The following GAN variants were observed in gnomAD, a reference collection of about 807,000 sequenced individuals.
The protein encoded by GAN is gigaxonin, also known as epididymis secretory sperm binding protein.
Under a neutral mutation model 71.3 loss-of-function variants are expected in GAN, and 48 were observed. That is an observed-to-expected ratio of 0.67 (90% CI 0.53 to 0.86). GAN has a LOEUF of 0.86. Among genes scored for constraint, GAN ranks in the 40% least tolerant of loss-of-function variants. The pLI is 0.00. For synonymous variants in GAN, 386 were observed against 276.8 expected, an observed-to-expected ratio of 1.39 and a Z score of -3.92; for missense variants, 928 against 770.1, an observed-to-expected ratio of 1.21 and a Z score of -2.43.
chr16:81,369,168 T>G (rs1423971230), intron 9 of GAN, among the ~76,000 whole-genome samples: 1 of 152,200 alleles, frequency 6.6e-6, no homozygotes, highest in Non-Finnish European at 1.5e-5. Flanking sequence ...CCTCTTTTGA[T>G]TCCTGAATAT....
intron 5 of GAN, among the ~76,000 whole-genome samples, chr16:81,361,166 A>G (rs1040310254): frequency 3.9e-5 from 6 of 152,226 alleles, no homozygotes; most frequent in Non-Finnish European, 5.9e-5. Flanking sequence ...CAGAAGTTGC[A>G]GTGATCTGTG....
intron 1 of GAN, among the ~76,000 whole-genome samples, chr16:81,348,792 G>C (rs1910205184): frequency 1.3e-5 from 2 of 152,254 alleles, no homozygotes; most frequent in Admixed American, 6.5e-5. Context: ...TCTTAGGGCA[G>C]ATTGATGTCT....
At chr16:81,354,806 T>C (rs369286613) in intron 3 of GAN, 51 bp downstream of exon 3, 1 of 1,061,178 alleles carries the variant, frequency 9.4e-7, no homozygotes, top group East Asian at 2.4e-5. Flanking sequence ...TTCTTTTTAA[T>C]TCAAATTTTA....
intron 9 of GAN, among the ~76,000 whole-genome samples, chr16:81,367,826 A>G (rs1429213502): frequency 1.3e-5 from 2 of 152,204 alleles, no homozygotes; most frequent in Admixed American, 6.5e-5. Context: ...GTGGGATCTG[A>G]ACTCAGGCGT....
chr16:81,363,535 A>G (rs1046768809), intron 6 of GAN, among the ~76,000 whole-genome samples: 1 of 152,188 alleles, frequency 6.6e-6, no homozygotes, highest in Non-Finnish European at 1.5e-5. Flanking sequence ...TCGGGGATAC[A>G]TGTGCAGGTT....
At chr16:81,366,772 C>A (rs1034143033) in intron 9 of GAN, among the ~76,000 whole-genome samples, 1 of 152,116 alleles carries the variant, frequency 6.6e-6, no homozygotes, top group African/African-American at 2.4e-5. Flanking sequence ...TACATTTTTC[C>A]TTCCTTGATA....
intron 5 of GAN, among the ~76,000 whole-genome samples, chr16:81,361,148 C>T (rs1910660103): frequency 1.3e-5 from 2 of 152,244 alleles, no homozygotes; most frequent in South Asian, 4.2e-4. Context: ...TCGCTTGAAC[C>T]CAGGAGGCAG....
In GAN at chr16:81,382,097, C is replaced by A. The variant is rs1409843940; in HGVS notation, c.*4501C>A. On this transcript the variant is annotated 3_prime_UTR_variant, in exon 11 of 11. Transcript: ENST00000648994. ...GGTGTCAAAATCTTTCCAGGACATACCCCTTTGATCCTCACACCTCTGGAA... is the reference window on the plus strand; with the variant it reads ...GGTGTCAAAATCTTTCCAGGACATAACCCTTTGATCCTCACACCTCTGGAA... 6.6e-6 allele frequency: 1 copy of A among 152,096 alleles called. No individual in the cohort carries two copies. The highest frequency in any genetic ancestry group is 1.5e-5 in the Non-Finnish European group (1 of 68,038). The allele number at this position is 152,096 out of a possible 1,614,324, so 9.4% of individuals were successfully genotyped here. A position where few individuals can be genotyped will look rare whatever the true frequency, so the allele number is the denominator to read the frequency against.
Position 81,377,733 on chromosome 16 carries a change from C to A in GAN, c.*137C>A. 2.4e-6 allele frequency: 2 copies of A among 829,022 alleles called. No individual in the cohort carries two copies. Among genetic ancestry groups the A allele is most frequent in the South Asian group, 1.4e-5 (1 of 71,522 alleles). The allele number at this position is 829,022 out of a possible 1,614,324, so 51.4% of individuals were successfully genotyped here. A position where few individuals can be genotyped will look rare whatever the true frequency, so the allele number is the denominator to read the frequency against. On this transcript the variant is annotated 3_prime_UTR_variant, in exon 11 of 11. Transcript: ENST00000648994. ...GTAACTCTTTGGTGGTTTTATGATG[C>A]TTACAAACTTGAGCTTTAGCTCTTG...
chr16:81,335,615 C>T (rs756689256), intron 1 of GAN, among the ~76,000 whole-genome samples: 1 of 151,798 alleles, frequency 6.6e-6, no homozygotes, highest in Non-Finnish European at 1.5e-5. Flanking sequence ...GGTGTGGTGG[C>T]GCACACTTGC....
intron 2 of GAN, among the ~76,000 whole-genome samples, chr16:81,353,063 G>A (rs1223571303): frequency 4.6e-5 from 7 of 152,106 alleles, no homozygotes; most frequent in South Asian, 2.1e-4. Flanking sequence ...AGGCCGAGGC[G>A]GGTGGATCAC....
At chr16:81,373,490 G>T (rs961285602) in intron 9 of GAN, among the ~76,000 whole-genome samples, 1 of 152,176 alleles carries the variant, frequency 6.6e-6, no homozygotes, top group African/African-American at 2.4e-5. Flanking sequence ...AAAAGTTGCA[G>T]AAATAGTTAA....
At chr16:81,330,388 A>G (rs1053683223) in intron 1 of GAN, among the ~76,000 whole-genome samples, 2 of 152,266 alleles carry the variant, frequency 1.3e-5, no homozygotes, top group Non-Finnish European at 2.9e-5. Flanking sequence ...TGTGCAGGGC[A>G]CAGGAGCCAC....
In GAN at chr16:81,381,378, G is replaced by A. The variant is rs1175802447; in HGVS notation, c.*3782G>A. On this transcript the variant is annotated 3_prime_UTR_variant, in exon 11 of 11. Transcript: ENST00000648994. ...CAGATGAAGACCTTTGGTTAAATGGGGGAAGAATGAGGTGGCGCTTTGACT... is the reference window on the plus strand; with the variant it reads ...CAGATGAAGACCTTTGGTTAAATGGAGGAAGAATGAGGTGGCGCTTTGACT... 2 of 152,202 alleles carry A rather than the reference G, an allele frequency of 1.3e-5. No homozygotes were observed. Among genetic ancestry groups the A allele is most frequent in the Non-Finnish European group, 2.9e-5 (2 of 68,054 alleles). The allele number at this position is 152,202 out of a possible 1,614,324, so 9.4% of individuals were successfully genotyped here.
intron 1 of GAN, among the ~76,000 whole-genome samples, chr16:81,345,518 T>C (rs572622286): frequency 6.6e-6 from 1 of 152,058 alleles, no homozygotes; most frequent in Non-Finnish European, 1.5e-5. Flanking sequence ...ACAATGCATG[T>C]TCTCACTCAT....
At chr16:81,320,416 G>T (rs986555901) in intron 1 of GAN, among the ~76,000 whole-genome samples, 1 of 152,276 alleles carries the variant, frequency 6.6e-6, no homozygotes, top group East Asian at 1.9e-4. Flanking sequence ...TTGCTTCCCT[G>T]TTAATGCTGA....
intron 1 of GAN, among the ~76,000 whole-genome samples, chr16:81,331,883 C>T (rs1909589446): frequency 6.6e-6 from 1 of 152,206 alleles, no homozygotes; most frequent in Non-Finnish European, 1.5e-5. Flanking sequence ...TCTTGGAAGG[C>T]CGGGCGTGGT....
intron 9 of GAN, among the ~76,000 whole-genome samples, chr16:81,375,881 G>T (rs953000326): frequency 1.3e-5 from 2 of 150,698 alleles, no homozygotes; most frequent in African/African-American, 4.9e-5. Flanking sequence ...GGGGTGAGAG[G>T]ATCACTAGAG....
At position 81,380,324 on chromosome 16, in the gene GAN, A is replaced by G. The variant is rs1904298803; in HGVS notation, c.*2728A>G. On this transcript the variant is annotated 3_prime_UTR_variant, in exon 11 of 11. Transcript: ENST00000648994. Reference sequence around the variant, plus strand: ...GGATAGGTCTTAAATTTTAAATACAAATATCTTTGGGGGAAGTGCAATTTA... The same window carrying G: ...GGATAGGTCTTAAATTTTAAATACAGATATCTTTGGGGGAAGTGCAATTTA... The G allele has an allele frequency of 1.3e-5, 2 of 152,600 alleles. No homozygotes were observed. The highest frequency in any genetic ancestry group is 1.5e-5 in the Non-Finnish European group (1 of 68,028). The allele number at this position is 152,600 out of a possible 1,614,324, so 9.5% of individuals were successfully genotyped here. A position where few individuals can be genotyped will look rare whatever the true frequency, so the allele number is the denominator to read the frequency against.
Sources: allele counts gnomAD v4.1 joint callset (sites outside exome capture counted in the v4.1 genomes callset), GRCh38; gene constraint gnomAD v4.1.1; transcripts MANE v1.5; gene names NCBI Gene and HGNC (gene_info 2026-07-23, HGNC 2026-07-21).